LRRC49: variants seen among roughly 807,000 people sequenced by gnomAD.
The protein encoded by LRRC49 is leucine-rich repeat-containing protein 49.
Under a neutral mutation model 83.3 loss-of-function variants are expected in LRRC49, and 50 were observed. The ratio of observed to expected loss-of-function variants is 0.60; its 90% CI spans 0.48 to 0.76. LRRC49 has a LOEUF of 0.76. Among genes scored for constraint, LRRC49 ranks in the 30% least tolerant of loss-of-function variants. The probability of loss-of-function intolerance (pLI) is 0.00; values close to 1 mark genes in which losing one functional copy is unlikely to be tolerated. For missense variants in LRRC49, 704 were observed against 809.1 expected (o/e 0.87, Z 1.58); for synonymous variants, 286 against 283.3 (o/e 1.01, Z -0.10).
intron 6 of LRRC49, among the ~76,000 whole-genome samples, chr15:70,912,997 T>C (rs528553256): frequency 4.1e-4 from 63 of 152,290 alleles, no homozygotes; most frequent in Middle Eastern, 6.8e-3. Flanking sequence ...TTTTTTATGT[T>C]CCCTCTCTTT....
At chr15:70,984,900 A>G (rs1158437990) in intron 11 of LRRC49, among the ~76,000 whole-genome samples, 1 of 150,388 alleles carries the variant, frequency 6.6e-6, no homozygotes, top group Non-Finnish European at 1.5e-5. Flanking sequence ...TGTTCTTGCG[A>G]TAGTTTACTG....
chr15:70,933,089 G>A (rs1407847458), intron 7 of LRRC49, among the ~76,000 whole-genome samples: 1 of 152,042 alleles, frequency 6.6e-6, no homozygotes, highest in Non-Finnish European at 1.5e-5. Flanking sequence ...AGTAGGACAA[G>A]CATTTTTCTC....
rs2037525852 is a variant in LRRC49 at position 70,984,539 on chromosome 15, G to A, written c.1169+282G>A. ...GCCCACTTCATCTCTTTTATCTCATGCCATCAACCATGTTCTTCTGCTATT... is the reference window on the plus strand; with the variant it reads ...GCCCACTTCATCTCTTTTATCTCATACCATCAACCATGTTCTTCTGCTATT... On this transcript the variant is annotated intron_variant, in intron 11 of 15. Transcript: ENST00000260382. 1.9e-5 allele frequency: 4 copies of A among 210,644 alleles called. No individual in the cohort carries two copies. In the East Asian group the frequency reaches 4.3e-4, roughly 23 times the overall value. 13.0% of individuals were successfully genotyped at this position (210,644 alleles called of 1,614,324 possible).
At chr15:71,014,930 G>GA (rs879484236) in intron 14 of LRRC49, among the ~76,000 whole-genome samples, 3 of 151,822 alleles carry the variant, frequency 2.0e-5, no homozygotes, top group African/African-American at 4.8e-5. Context: ...TCCCAATTCA[G>GA]AAAAAAACAT....
intron 9 of LRRC49, among the ~76,000 whole-genome samples, chr15:70,971,603 A>G (rs2037002502): frequency 6.6e-6 from 1 of 152,146 alleles, no homozygotes; most frequent in Non-Finnish European, 1.5e-5. Flanking sequence ...GTGGGAGTCT[A>G]AGTCTCCTTG....
At chr15:70,856,473 G>A (rs922638348) in intron 1 of LRRC49, among the ~76,000 whole-genome samples, 1 of 152,056 alleles carries the variant, frequency 6.6e-6, no homozygotes, top group Non-Finnish European at 1.5e-5. Context: ...TAAATATGGG[G>A]CATCTTTCTG....
intron 1 of LRRC49, chr15:70,858,764 CG>C: frequency 1.7e-6 from 2 of 1,151,356 alleles, no homozygotes; most frequent in Admixed American, 2.0e-5. Flanking sequence ...CTCTGGCCCC[CG>C]GGCCTTCAGC....
chr15:70,924,928 G>A (rs753671582), intron 7 of LRRC49, among the ~76,000 whole-genome samples: 1 of 151,896 alleles, frequency 6.6e-6, no homozygotes, highest in Non-Finnish European at 1.5e-5. Context: ...TATCATTTGT[G>A]TGTGTCTAGG....
At chr15:70,922,609 G>C (rs1332206841) in intron 7 of LRRC49, among the ~76,000 whole-genome samples, 1 of 152,020 alleles carries the variant, frequency 6.6e-6, no homozygotes, top group East Asian at 1.9e-4. Context: ...CCTACCATTT[G>C]ATAGCACAAT....
At chr15:70,970,338 G>A (rs961208541) in intron 9 of LRRC49, among the ~76,000 whole-genome samples, 5 of 152,154 alleles carry the variant, frequency 3.3e-5, no homozygotes, top group Non-Finnish European at 5.9e-5. Flanking sequence ...TGGGTTGATC[G>A]TGGTGGATAA....
intron 6 of LRRC49, among the ~76,000 whole-genome samples, chr15:70,914,847 T>C (rs889927568): frequency 1.3e-5 from 2 of 152,180 alleles, no homozygotes; most frequent in Non-Finnish European, 2.9e-5. Flanking sequence ...ACACTTGCCT[T>C]TTCTGTATTG....
chr15:70,992,212 T>A (rs908626330), intron 11 of LRRC49, among the ~76,000 whole-genome samples: 19 of 152,358 alleles, frequency 1.2e-4, no homozygotes, highest in African/African-American at 4.6e-4. Flanking sequence ...GCTATTTGTC[T>A]AATCTTTTCT....
intron 9 of LRRC49, among the ~76,000 whole-genome samples, chr15:70,972,727 A>G (rs981027839): frequency 6.6e-6 from 1 of 151,698 alleles, no homozygotes; most frequent in African/African-American, 2.4e-5. Flanking sequence ...GCTTCATTTC[A>G]TTAAGTTGAT....
intron 8 of LRRC49, among the ~76,000 whole-genome samples, chr15:70,942,605 CTG>C (rs751806804): frequency 6.6e-6 from 1 of 152,120 alleles, no homozygotes; most frequent in Non-Finnish European, 1.5e-5. Flanking sequence ...GAGTCAAACT[CTG>C]TAAAATATTT....
At chr15:70,901,252 C>T (rs1012491991) in intron 4 of LRRC49, among the ~76,000 whole-genome samples, 8 of 152,098 alleles carry the variant, frequency 5.3e-5, no homozygotes, top group Non-Finnish European at 1.0e-4. Flanking sequence ...CACAAGAGTA[C>T]TACAGCAATT....
intron 1 of LRRC49, among the ~76,000 whole-genome samples, chr15:70,857,512 G>A (rs1341830647): frequency 6.6e-6 from 1 of 152,006 alleles, no homozygotes; most frequent in Non-Finnish European, 1.5e-5. Context: ...GAAAAAAAAA[G>A]GGGTCTGTTT....
intron 8 of LRRC49, among the ~76,000 whole-genome samples, chr15:70,962,889 T>C (rs543556214): frequency 1.3e-4 from 20 of 152,176 alleles, no homozygotes; most frequent in African/African-American, 4.8e-4. Flanking sequence ...TAACTTTACA[T>C]TGGAGAAACC....
chr15:70,951,784 C>A (rs2141180469), intron 8 of LRRC49, among the ~76,000 whole-genome samples: 1 of 152,218 alleles, frequency 6.6e-6, no homozygotes, highest in East Asian at 1.9e-4. Flanking sequence ...CTGGTTAGGA[C>A]TTCTAGTACT....
At position 70,924,693 on chromosome 15, in the gene LRRC49, C is replaced by G. The variant is rs561573450; in HGVS notation, c.711+5500C>G. Reference sequence around the variant, plus strand: ...CACATGCTTGTTTGGGTTCACCACTCCTTCTGCATCTCTGTCTATCCTTCT... The same window carrying G: ...CACATGCTTGTTTGGGTTCACCACTGCTTCTGCATCTCTGTCTATCCTTCT... On this transcript the variant is annotated intron_variant, in intron 7 of 15. Transcript: ENST00000260382. Among the ~76,000 whole-genome samples, 39 of 152,084 alleles carry G rather than the reference C, an allele frequency of 2.6e-4. 1 individual carries two copies. In the South Asian group the frequency reaches 7.7e-3, roughly 30 times the overall value.
Sources: gnomAD v4.1 joint callset for allele counts (sites outside exome capture counted in the v4.1 genomes callset) on GRCh38, gnomAD v4.1.1 for gene constraint, MANE v1.5 for transcripts, NCBI Gene and HGNC (gene_info 2026-07-23, HGNC 2026-07-21) for gene names.